USP6NL: variants seen among roughly 807,000 people sequenced by gnomAD.
The protein encoded by USP6NL is USP6 N-terminal like, also known as USP6 N-terminal-like protein.
A neutral mutation model predicts 61.9 loss-of-function variants in USP6NL; 26 were observed. The observed-to-expected ratio is 0.42, with a 90% CI of 0.31 to 0.58. USP6NL has a LOEUF of 0.58. Ranked by LOEUF, USP6NL falls within the 20% of genes least tolerant of loss-of-function variation. USP6NL has a pLI of 0.16. For missense variants in USP6NL, 1,114 were observed against 1,034.3 expected, an observed-to-expected ratio of 1.08 and a Z score of -1.06; for synonymous variants, 432 against 390.1, an observed-to-expected ratio of 1.11 and a Z score of -1.27.
chr10:11,575,345 G>T lies in USP6NL; in HGVS notation c.4+22286C>A, dbSNP rs1035662856. Among the ~76,000 whole-genome samples the T allele has an allele frequency of 1.3e-5, 2 of 152,192 alleles. No individual in the cohort carries two copies. The highest frequency in any genetic ancestry group is 4.8e-5 in the African/African-American group (2 of 41,454). On this transcript the variant is annotated intron_variant, in intron 2 of 14. Transcript: ENST00000609104. The surrounding 1 kb of genome is among the most constrained non-coding windows in gnomAD (Gnocchi z 4.2). ...TAAGTGTTAAGTATCTACTGCCTTT[G>T]TTTTCCAATCATGTTTCCAGCTCCT...
chr10:11,489,351 C>A lies in USP6NL; in HGVS notation c.544-129G>T, dbSNP rs75669270. 6,485 of 1,199,026 alleles carry A rather than the reference C, an allele frequency of 5.4e-3. 33 individuals are homozygous for A. The highest frequency in any genetic ancestry group is 7.8e-3 in the Middle Eastern group (27 of 3,444). 74.3% of individuals were successfully genotyped at this position (1,199,026 alleles called of 1,614,324 possible). On this transcript the variant is annotated intron_variant, in intron 9 of 14. Coordinates refer to ENST00000609104, the MANE Select transcript of USP6NL (RefSeq NM_014688.5). This position sits in a 1 kb window ranked among gnomAD's most constrained non-coding sequence, Gnocchi z 5.7. ...ATCATTTAATGGTCCATTCTAGAGA[C>A]AAATACTATACTCTTTACAGTATTA...
rs147679528 is a variant in USP6NL, at chr10:11,490,096, T to A, written c.543+736A>T. Among the ~76,000 whole-genome samples, 536 of 152,300 alleles carry A rather than the reference T, an allele frequency of 3.5e-3. 4 individuals carry two copies. Among genetic ancestry groups the A allele is most frequent in the African/African-American group, 0.012 (510 of 41,568 alleles). ...AGCTCCAATTCCGGTGAGGCCCAACTAGTGCTTCCTTCCTATGAGATGTCC... is the reference window on the plus strand; with the variant it reads ...AGCTCCAATTCCGGTGAGGCCCAACAAGTGCTTCCTTCCTATGAGATGTCC... On this transcript the variant is annotated intron_variant, in intron 9 of 14. Coordinates refer to ENST00000609104, the MANE Select transcript of USP6NL (RefSeq NM_014688.5). The surrounding 1 kb of genome is among the most constrained non-coding windows in gnomAD (Gnocchi z 4.5).
At chr10:11,484,860 T>A in intron 13 of USP6NL, 111 bp downstream of exon 13, 1 of 815,920 alleles carries the variant, frequency 1.2e-6, no homozygotes, top group Non-Finnish European at 1.8e-6. Flanking sequence ...TCAAAAAAAA[T>A]TTAAACCACT....
At chr10:11,566,035 T>G (rs1056358582) in intron 2 of USP6NL, among the ~76,000 whole-genome samples, 6 of 152,134 alleles carry the variant, frequency 3.9e-5, no homozygotes, top group African/African-American at 1.4e-4. Flanking sequence ...CCATCACCAC[T>G]AAATATTTTT....
chr10:11,573,588 T>G (rs1436853855), intron 2 of USP6NL: 1 of 398,856 alleles, frequency 2.5e-6, no homozygotes, highest in African/African-American at 2.1e-5. Flanking sequence ...GCTTGATTGT[T>G]CATTCTGCTA....
Position 11,462,458 on chromosome 10 carries a change from C to G in USP6NL, c.2470G>C (p.Glu824Gln), listed in dbSNP as rs753181706. Residue 824 changes from glutamate to glutamine, a missense_variant, in exon 15 of 15, where the codon GAG becomes CAG. Coordinates refer to ENST00000609104, the MANE Select transcript of USP6NL (RefSeq NM_014688.5). ...GTCAAATCTCACAGCAACACTGACTCTTGGATGGAAAGCCCGTCCCGATTC... is the reference window on the plus strand; with the variant it reads ...GTCAAATCTCACAGCAACACTGACTGTTGGATGGAAAGCCCGTCCCGATTC... The part of the protein sequence containing the change: ...YRNRDGLSIQ[E>Q]SVLL 1 of 1,613,558 alleles carries G rather than the reference C, an allele frequency of 6.2e-7. No homozygotes were observed. The highest frequency in any genetic ancestry group is 1.7e-5 in the Admixed American group (1 of 60,020).
rs1213873449 is a variant in USP6NL at position 11,591,263 on chromosome 10, T to C, written c.4+6368A>G. On this transcript the variant is annotated intron_variant, in intron 2 of 14. Transcript: ENST00000609104. The surrounding 1 kb of genome is among the most constrained non-coding windows in gnomAD (Gnocchi z 4.7). ...AAGAATGGAGAGTCTCTTGAAACTA[T>C]TATAAAGAAGTCATTTGGAGCACAC... Among the ~76,000 whole-genome samples the C allele has an allele frequency of 1.3e-5, 2 of 151,288 alleles. No individual in the cohort carries two copies. Among genetic ancestry groups the C allele is most frequent in the African/African-American group, 2.4e-5 (1 of 41,404 alleles).
chr10:11,543,312 CA>C (rs757669783), intron 2 of USP6NL, among the ~76,000 whole-genome samples: 1 of 152,202 alleles, frequency 6.6e-6, no homozygotes, highest in Non-Finnish European at 1.5e-5. Flanking sequence ...GAGGCCAAGA[CA>C]GGGGGATCAC....
intron 5 of USP6NL, among the ~76,000 whole-genome samples, chr10:11,517,166 T>G (rs1462175809): frequency 6.6e-6 from 1 of 152,246 alleles, no homozygotes; most frequent in East Asian, 1.9e-4. Flanking sequence ...TCTGCCAGTC[T>G]TTATGTCAAT....
chr10:11,516,118 A>T (rs889410495), intron 5 of USP6NL, among the ~76,000 whole-genome samples: 3 of 152,202 alleles, frequency 2.0e-5, no homozygotes, highest in Non-Finnish European at 2.9e-5. Flanking sequence ...ATGTTTGTTT[A>T]TGTGCTTAAG....
In USP6NL at chr10:11,500,693, G is replaced by A. The variant is rs147265739; in HGVS notation, c.384+408C>T. Among the ~76,000 whole-genome samples the A allele has an allele frequency of 2.4e-4, 37 of 152,024 alleles. 1 individual carries two copies. In the East Asian group the frequency reaches 6.2e-3, roughly 25 times the overall value. On this transcript the variant is annotated intron_variant, in intron 7 of 14. Coordinates refer to ENST00000609104, the MANE Select transcript of USP6NL (RefSeq NM_014688.5). ...AAAGAATCATACACAGCAGGTGTTG[G>A]TTAAACTGAATTCTGCTGCTGTTTC...
At chr10:11,505,801 C>T (rs1019337204) in intron 6 of USP6NL, among the ~76,000 whole-genome samples, 1 of 152,102 alleles carries the variant, frequency 6.6e-6, no homozygotes, top group Non-Finnish European at 1.5e-5. Flanking sequence ...ACTTTTCAGC[C>T]CAGCAAGCCT....
At chr10:11,541,666 T>A (rs1206922705) in intron 2 of USP6NL, among the ~76,000 whole-genome samples, 1 of 152,148 alleles carries the variant, frequency 6.6e-6, no homozygotes, top group Non-Finnish European at 1.5e-5. Context: ...TTTTTCACTG[T>A]GAGACAGAGC....
rs1279062631 is a variant in USP6NL at position 11,596,754 on chromosome 10, A to G, written c.4+877T>C. Reference sequence around the variant, plus strand: ...AAAATCAAAGACCGTTCCTTACAATATTATTCTTAGTAGAAGCACTCCAAT... The same window carrying G: ...AAAATCAAAGACCGTTCCTTACAATGTTATTCTTAGTAGAAGCACTCCAAT... On this transcript the variant is annotated intron_variant, in intron 2 of 14. Coordinates refer to ENST00000609104, the MANE Select transcript of USP6NL (RefSeq NM_014688.5). The surrounding 1 kb of genome is among the most constrained non-coding windows in gnomAD (Gnocchi z 4.1). Among the ~76,000 whole-genome samples the G allele has an allele frequency of 1.3e-5, 2 of 152,184 alleles. No homozygotes were observed. Among genetic ancestry groups the G allele is most frequent in the Non-Finnish European group, 2.9e-5 (2 of 68,030 alleles).
At chr10:11,494,230 C>T (rs1317854012) in intron 7 of USP6NL, among the ~76,000 whole-genome samples, 1 of 152,172 alleles carries the variant, frequency 6.6e-6, no homozygotes, top group African/African-American at 2.4e-5. Flanking sequence ...TATGTGCAAT[C>T]TGCGTTTTCT....
In USP6NL at chr10:11,546,347, A is replaced by T. The variant is rs541663203; in HGVS notation, c.5-18780T>A. 8.3e-4 allele frequency among the ~76,000 whole-genome samples: 127 copies of T among 152,352 alleles called. 1 individual carries two copies. The highest frequency in any genetic ancestry group is 2.9e-3 in the African/African-American group (119 of 41,584). On this transcript the variant is annotated intron_variant, in intron 2 of 14. Transcript: ENST00000609104. ...TTATCTGAAGTAAGGGTAGAATTTCAGCAAGATCATTCTTTGTTTATTGTA... is the reference window on the plus strand; with the variant it reads ...TTATCTGAAGTAAGGGTAGAATTTCTGCAAGATCATTCTTTGTTTATTGTA...
intron 10 of USP6NL, among the ~76,000 whole-genome samples, chr10:11,486,719 T>C (rs1332983960): frequency 3.3e-5 from 5 of 152,168 alleles, no homozygotes; most frequent in Non-Finnish European, 4.4e-5. Flanking sequence ...AGAGGACACA[T>C]TTACATCCTT....
rs1833402562 is a variant in USP6NL, at chr10:11,485,153, GTAAA to G, written c.825+12_825+15del. 2 of 1,538,526 alleles carry G rather than the reference GTAAA, an allele frequency of 1.3e-6. No homozygotes were observed. The highest frequency in any genetic ancestry group is 1.3e-5 in the South Asian group (1 of 79,996). ...ATTTATAATTTTATGACTGAGTTTT[GTAAA>G]TAAATACTTACACGATCAAGGAAAC... On this transcript the variant is annotated intron_variant, in intron 12 of 14. Coordinates refer to ENST00000609104, the MANE Select transcript of USP6NL (RefSeq NM_014688.5). This position sits in a 1 kb window ranked among gnomAD's most constrained non-coding sequence, Gnocchi z 4.8.
chr10:11,603,377 T>C (rs1017585576), intron 1 of USP6NL, among the ~76,000 whole-genome samples: 6 of 152,220 alleles, frequency 3.9e-5, no homozygotes, highest in Non-Finnish European at 7.3e-5. Flanking sequence ...ATAATTAGTT[T>C]ACATGGTATA....
Sources: allele counts gnomAD v4.1 joint callset (sites outside exome capture counted in the v4.1 genomes callset), GRCh38; gene constraint gnomAD v4.1.1; non-coding constraint Gnocchi (gnomAD v3.1); transcripts MANE v1.5; gene names NCBI Gene and HGNC (gene_info 2026-07-23, HGNC 2026-07-21).